The following AFF2 variants were observed in gnomAD, a reference collection of about 807,000 sequenced individuals.
AFF2 encodes the protein ALF transcription elongation factor 2.
In AFF2, 14 loss-of-function variants were observed where a neutral mutation model predicts 76.9. The ratio of observed to expected loss-of-function variants is 0.18; its 90% confidence interval spans 0.12 to 0.28. The LOEUF (loss-of-function observed/expected upper bound fraction) is 0.28, where lower values mean the gene tolerates loss of function less well. Ranked by LOEUF, AFF2 falls within the 10% of genes least tolerant of loss-of-function variation. The probability of loss-of-function intolerance (pLI) is 1.00; values close to 1 mark genes in which losing one functional copy is unlikely to be tolerated. For synonymous variants in AFF2, 398 were observed against 366.7 expected, an observed-to-expected ratio of 1.09 and a Z score of -0.98; for missense variants, 868 against 1,001.1, an observed-to-expected ratio of 0.87 and a Z score of 1.79.
intron 1 of AFF2, among the ~76,000 whole-genome samples, chrX:148,590,887 G>T (rs1190147260): frequency 2.7e-5 from 3 of 111,946 alleles, no homozygotes; most frequent in Non-Finnish European, 5.6e-5. Context: ...AACTACTCTT[G>T]TGGTTTTTCC....
intron 1 of AFF2, among the ~76,000 whole-genome samples, chrX:148,543,537 G>A (rs1358526662): frequency 1.8e-5 from 2 of 111,424 alleles, no homozygotes; most frequent in Non-Finnish European, 3.8e-5. Context: ...CAGGGTAATT[G>A]TCAAGGCTGG....
intron 3 of AFF2, among the ~76,000 whole-genome samples, chrX:148,682,962 G>A (rs782531598): frequency 1.8e-5 from 2 of 111,405 alleles, no homozygotes; most frequent in East Asian, 5.7e-4. Context: ...ATTATTGTTA[G>A]AAGGACAAAT....
intron 18 of AFF2, among the ~76,000 whole-genome samples, chrX:148,980,276 AAAAC>A (rs782193530): frequency 9.8e-5 from 11 of 112,071 alleles, no homozygotes; most frequent in African/African-American, 1.3e-4. Flanking sequence ...GTGATTCCTG[AAAAC>A]AAACAAACAA....
At chrX:148,609,776 C>T (rs992059505) in intron 1 of AFF2, among the ~76,000 whole-genome samples, 2 of 111,451 alleles carry the variant, frequency 1.8e-5, no homozygotes, top group Non-Finnish European at 3.8e-5. Context: ...GTCCTGGTGA[C>T]ATTCTTCCTG....
chrX:148,962,457 C>T (rs2072120475), intron 12 of AFF2, among the ~76,000 whole-genome samples: 5 of 111,877 alleles, frequency 4.5e-5, no homozygotes, highest in Admixed American at 3.8e-4. Context: ...TTACATTTGT[C>T]ATGGAGTTCT....
intron 9 of AFF2, among the ~76,000 whole-genome samples, chrX:148,924,603 A>G (rs1402310048): frequency 2.7e-5 from 3 of 112,143 alleles, no homozygotes; most frequent in African/African-American, 9.7e-5. Flanking sequence ...ACAGTAGGGA[A>G]TTTCAAAATG....
rs1321193692 is a variant in AFF2 at position 148,989,779 on chromosome X, C to G, written c.3815-1432C>G. Among the ~76,000 whole-genome samples, 5 of 112,436 alleles carry G rather than the reference C, an allele frequency of 4.4e-5. No individual in the cohort carries two copies. The Admixed American group carries it at 4.7e-4, about 11-fold the overall frequency. ...GAAAGGTCTCCACTCCTGCCTCATA[C>G]TGCCCACAATGCAGCTGCAGATGGC... On this transcript the variant is annotated intron_variant, in intron 20 of 20. Transcript: ENST00000370460.
chrX:148,544,991 T>G (rs1041912728), intron 1 of AFF2, among the ~76,000 whole-genome samples: 21 of 112,705 alleles, frequency 1.9e-4, no homozygotes, highest in African/African-American at 6.8e-4. Flanking sequence ...ACTAATTTCT[T>G]CTGTGAAGAA....
At chrX:148,831,550 T>C (rs1428185247) in intron 4 of AFF2, among the ~76,000 whole-genome samples, 1 of 112,266 alleles carries the variant, frequency 8.9e-6, no homozygotes, top group African/African-American at 3.2e-5. Flanking sequence ...CTGCTATTGT[T>C]GTCCATTTCC....
chrX:148,889,112 G>A (rs1557279436), intron 8 of AFF2, among the ~76,000 whole-genome samples: 1 of 111,767 alleles, frequency 8.9e-6, no homozygotes, highest in Admixed American at 9.5e-5. Flanking sequence ...TTTTCAAACA[G>A]TATCTAAGAG....
At chrX:148,905,306 C>G (rs1557281318) in intron 9 of AFF2, among the ~76,000 whole-genome samples, 2 of 112,369 alleles carry the variant, frequency 1.8e-5, no homozygotes, top group East Asian at 2.8e-4. Flanking sequence ...TATTCCCTAT[C>G]AGGCTCTGTA....
At chrX:148,791,057 C>T (rs1477524546) in intron 3 of AFF2, among the ~76,000 whole-genome samples, 2 of 111,621 alleles carry the variant, frequency 1.8e-5, no homozygotes, top group African/African-American at 6.5e-5. Context: ...ATAAGGAGGA[C>T]CCATTTTACC....
intron 3 of AFF2, among the ~76,000 whole-genome samples, chrX:148,667,911 A>C (rs2054376756): frequency 8.9e-6 from 1 of 112,134 alleles, no homozygotes; most frequent in African/African-American, 3.2e-5. Flanking sequence ...CCAAAGTCTT[A>C]ACTCATTTCA....
chrX:148,953,630 G>C lies in AFF2; in HGVS notation c.1448G>C (p.Gly483Ala). The C allele has an allele frequency of 1.7e-6, 2 of 1,211,756 alleles. No homozygotes were observed. The highest frequency in any genetic ancestry group is 2.2e-6 in the Non-Finnish European group (2 of 895,447). ...QPPPAVQASG[G>A]SGSSSESESS... is the part of the protein sequence containing the mutation. ...CCACCTGCAGTGCAAGCCAGCGGGGGTTCTGGCAGCTCCAGCGAATCGGAG... is the reference window on the plus strand; with the variant it reads ...CCACCTGCAGTGCAAGCCAGCGGGGCTTCTGGCAGCTCCAGCGAATCGGAG... The change falls in exon 10 of 21, where the codon GGT becomes GCT. Residue 483 changes from glycine to alanine, a missense_variant. Transcript: ENST00000370460.
chrX:148,719,228 G>C lies in AFF2; in HGVS notation c.1041+56460G>C, dbSNP rs184816699. 2.6e-6 allele frequency: 3 copies of C among 1,143,848 alleles called. No individual in the cohort carries two copies. In the East Asian group the frequency reaches 9.8e-5, roughly 37 times the overall value. The allele number at this position is 1,143,848 out of a possible 1,213,427, so 94.3% of individuals were successfully genotyped here. A position where few individuals can be genotyped will look rare whatever the true frequency, so the allele number is the denominator to read the frequency against. ...AAGCATTTCCGTCCTTCTTCAAGAT[G>C]AAGGTAGGCAATATGAGTTGGCTGT... On this transcript the variant is annotated intron_variant, in intron 3 of 20. Coordinates refer to ENST00000370460, the MANE Select transcript of AFF2 (RefSeq NM_002025.4).
chrX:148,621,798 C>T (rs189161284), intron 1 of AFF2, among the ~76,000 whole-genome samples: 31 of 111,448 alleles, frequency 2.8e-4, no homozygotes, highest in Admixed American at 8.6e-4. Flanking sequence ...GTGCTGGGAA[C>T]ATATTGGTGA....
intron 1 of AFF2, among the ~76,000 whole-genome samples, chrX:148,515,893 T>A (rs1557233752): frequency 9.0e-6 from 1 of 111,708 alleles, no homozygotes; most frequent in Non-Finnish European, 1.9e-5. Flanking sequence ...CCACAAGTAA[T>A]CATCCAGCTT....
chrX:148,758,745 G>A (rs1275986994), intron 3 of AFF2, among the ~76,000 whole-genome samples: 1 of 111,771 alleles, frequency 8.9e-6, no homozygotes, highest in Admixed American at 9.5e-5. Flanking sequence ...ATTGTAAATA[G>A]AGCTGCAATA....
chrX:148,615,764 G>T (rs1205361651), intron 1 of AFF2, among the ~76,000 whole-genome samples: 4 of 111,259 alleles, frequency 3.6e-5, no homozygotes, highest in Non-Finnish European at 7.6e-5. Context: ...TGGGTAGAAA[G>T]AATTTAAAAA....
Sources: allele counts gnomAD v4.1 joint callset (sites outside exome capture counted in the v4.1 genomes callset), GRCh38; gene constraint gnomAD v4.1.1; transcripts MANE v1.5; gene names NCBI Gene and HGNC (gene_info 2026-07-23, HGNC 2026-07-21).